The following ARID1B variants were observed in gnomAD, a reference collection of about 807,000 sequenced individuals.
The protein encoded by ARID1B is AT-rich interaction domain 1B.
A neutral mutation model predicts 212.3 loss-of-function variants in ARID1B; 30 were observed. That is an observed-to-expected ratio of 0.14 (90% CI 0.11 to 0.19). The LOEUF (loss-of-function observed/expected upper bound fraction) is 0.19, where lower values mean the gene tolerates loss of function less well. Ranked by LOEUF, ARID1B falls within the 10% of genes least tolerant of loss-of-function variation. The pLI is 1.00. For missense variants in ARID1B, 2,891 were observed against 3,204.0 expected, an observed-to-expected ratio of 0.90 and a Z score of 2.36; for synonymous variants, 1,402 against 1,301.7, an observed-to-expected ratio of 1.08 and a Z score of -1.66.
chr6:156,899,792 G>GA (rs368780905), intron 2 of ARID1B, among the ~76,000 whole-genome samples: 36 of 152,306 alleles, frequency 2.4e-4, no homozygotes, highest in African/African-American at 8.7e-4. Context: ...TCTGTAACCA[G>GA]AAAGTCAACA....
chr6:157,155,676 A>G (rs991364677), intron 8 of ARID1B, among the ~76,000 whole-genome samples: 1 of 152,202 alleles, frequency 6.6e-6, no homozygotes, highest in Non-Finnish European at 1.5e-5. Context: ...TGGGAACTTT[A>G]GTTAAGATTA....
intron 2 of ARID1B, among the ~76,000 whole-genome samples, chr6:156,863,517 G>A (rs1412071561): frequency 6.6e-6 from 1 of 152,060 alleles, no homozygotes; most frequent in East Asian, 1.9e-4. Flanking sequence ...TGAAATGATT[G>A]TATTGGTTGT....
intron 1 of ARID1B, among the ~76,000 whole-genome samples, chr6:156,810,854 A>G (rs900831128): frequency 1.3e-5 from 2 of 152,154 alleles, no homozygotes; most frequent in Non-Finnish European, 2.9e-5. Flanking sequence ...TAGCTTGTGG[A>G]TTAGTTTGCT....
rs2128376135 is a variant in ARID1B at position 157,201,350 on chromosome 6, A to G, written c.5125A>G (p.Thr1709Ala). 6.2e-7 allele frequency: 1 copy of G among 1,613,474 alleles called. No homozygotes were observed. The highest frequency in any genetic ancestry group is 8.5e-7 in the Non-Finnish European group (1 of 1,179,646). ...TATGAAGATGCAGAAGGTCATGCCC[A>G]CGGTCCCCACATCCCAGGTCACCGG... ...PSMKMQKVMP[T>A]VPTSQVTGPP... Residue 1709 changes from threonine (T) to alanine (A), a missense_variant, in exon 18 of 20, where the codon ACG becomes GCG. Thr to Ala is a moderately conservative substitution (Grantham distance 58). Transcript: ENST00000636930. The surrounding 1 kb of genome is among the most constrained non-coding windows in gnomAD (Gnocchi z 5.2).
At chr6:156,801,708 A>G (rs917048650) in intron 1 of ARID1B, among the ~76,000 whole-genome samples, 6 of 152,132 alleles carry the variant, frequency 3.9e-5, no homozygotes, top group Admixed American at 6.5e-5. Flanking sequence ...AGTAGTAGAG[A>G]AAAGGCTGTT....
chr6:157,002,678 G>C (rs1028459839), intron 4 of ARID1B, among the ~76,000 whole-genome samples: 2 of 152,188 alleles, frequency 1.3e-5, no homozygotes, highest in Non-Finnish European at 2.9e-5. Flanking sequence ...TAGTCTGCCT[G>C]AAACTGTTAA....
At chr6:156,797,421 T>G (rs1780460671) in intron 1 of ARID1B, among the ~76,000 whole-genome samples, 1 of 152,218 alleles carries the variant, frequency 6.6e-6, no homozygotes, top group Non-Finnish European at 1.5e-5. Flanking sequence ...ATTTCTCCAG[T>G]CTTTCAGATG....
chr6:156,845,746 A>T (rs369588238), intron 2 of ARID1B, among the ~76,000 whole-genome samples: 2 of 151,516 alleles, frequency 1.3e-5, no homozygotes, highest in African/African-American at 2.4e-5. Context: ...ACTTGGTGCT[A>T]TTTTTTTCTT....
chr6:157,043,171 C>A (rs1782001946), intron 4 of ARID1B, among the ~76,000 whole-genome samples: 1 of 152,186 alleles, frequency 6.6e-6, no homozygotes, highest in Non-Finnish European at 1.5e-5. Flanking sequence ...GGTCTTCCAA[C>A]CCCCAACTAA....
Position 157,207,150 on chromosome 6 carries a change from G to A in ARID1B, c.6378G>A (p.Lys2126=), listed in dbSNP as rs535102895. ...QTYEKEEDED[K]GVACSKDEWW... ...ATGAGAAAGAGGAGGATGAGGACAA[G>A]GGGGTGGCCTGCAGCAAAGATGAGT... Residue 2126 remains lysine, a synonymous_variant, in exon 20 of 20, where the codon AAG becomes AAA. Transcript: ENST00000636930. The surrounding 1 kb of genome is among the most constrained non-coding windows in gnomAD (Gnocchi z 8.5). 1 of 1,614,248 alleles carries A rather than the reference G, an allele frequency of 6.2e-7. No homozygotes were observed. Among genetic ancestry groups the A allele is most frequent in the South Asian group, 1.1e-5 (1 of 91,080 alleles).
At chr6:157,039,882 T>TTTTCCTTCCTTCCTTCCTTC (rs1554287391) in intron 4 of ARID1B, among the ~76,000 whole-genome samples, 35 of 67,266 alleles carry the variant, frequency 5.2e-4, no homozygotes, top group South Asian at 1.0e-3. Context: ...CTTTCTTTTC[T>TTTTCCTTCCTTCCTTCCTTC]CTTCCTTCCT....
chr6:157,038,360 T>A (rs1057155580), intron 4 of ARID1B, among the ~76,000 whole-genome samples: 6 of 152,078 alleles, frequency 3.9e-5, no homozygotes, highest in African/African-American at 9.7e-5. Flanking sequence ...ATATATATAT[T>A]TTACCATTTT....
intron 4 of ARID1B, among the ~76,000 whole-genome samples, chr6:156,960,221 G>T (rs1170012866): frequency 1.3e-5 from 2 of 151,942 alleles, no homozygotes; most frequent in African/African-American, 4.8e-5. Flanking sequence ...GAGCCACCAC[G>T]CCTGGCCACT....
chr6:156,984,386 G>C (rs942239376), intron 4 of ARID1B, among the ~76,000 whole-genome samples: 3 of 152,146 alleles, frequency 2.0e-5, no homozygotes, highest in Non-Finnish European at 2.9e-5. Context: ...AGTGCTCTTT[G>C]CCATGCTCTT....
Position 156,829,385 on chromosome 6 carries a change from C to G in ARID1B, c.1950C>G (p.Pro650=), listed in dbSNP as rs759855548. Residue 650 remains proline (P), a synonymous_variant, in exon 2 of 20, where the codon CCC becomes CCG. Coordinates refer to ENST00000636930, the MANE Select transcript of ARID1B (RefSeq NM_001374828.1). ...RYPIGIQGRT[P]GAMAGMQYPQ... ...CAATTGGCATCCAGGGTCGGACTCCCGGGGCCATGGCCGGAATGCAGTACC... is the reference window on the plus strand; with the variant it reads ...CAATTGGCATCCAGGGTCGGACTCCGGGGGCCATGGCCGGAATGCAGTACC... 3 of 1,614,174 alleles carry G rather than the reference C, an allele frequency of 1.9e-6. No individual in the cohort carries two copies. The highest frequency in any genetic ancestry group is 2.5e-6 in the Non-Finnish European group (3 of 1,180,016).
At chr6:156,948,465 C>T (rs963307367) in intron 4 of ARID1B, among the ~76,000 whole-genome samples, 1 of 152,152 alleles carries the variant, frequency 6.6e-6, no homozygotes, top group Non-Finnish European at 1.5e-5. Flanking sequence ...GTGTTGAACT[C>T]CTGGCCTCAT....
chr6:156,901,655 T>A, intron 3 of ARID1B, 130 bp downstream of exon 3: 1 of 1,180,484 alleles, frequency 8.5e-7, no homozygotes, highest in Non-Finnish European at 1.2e-6. Flanking sequence ...AGAAAATGCA[T>A]AACTGTAACC....
chr6:156,962,444 T>G (rs12663412), intron 4 of ARID1B, among the ~76,000 whole-genome samples: 86,313 of 152,054 alleles, frequency 0.57, 25,232 homozygotes, highest in African/African-American at 0.71. Flanking sequence ...TCTGTGCCTG[T>G]GTCTATTTCT....
intron 1 of ARID1B, 150 bp downstream of exon 1, chr6:156,779,621 T>G: frequency 2.2e-5 from 17 of 790,308 alleles, no homozygotes; most frequent in Middle Eastern, 5.0e-4. Context: ...GGCGGCCGCC[T>G]CCCGCCGCGG....
Sources: allele counts gnomAD v4.1 joint callset (sites outside exome capture counted in the v4.1 genomes callset), GRCh38; gene constraint gnomAD v4.1.1; non-coding constraint Gnocchi (gnomAD v3.1); transcripts MANE v1.5; gene names NCBI Gene and HGNC (gene_info 2026-07-23, HGNC 2026-07-21).